KIF23: variants seen among roughly 807,000 people sequenced by gnomAD.
KIF23 encodes the protein kinesin-like protein KIF23.
A neutral mutation model predicts 137.5 loss-of-function variants in KIF23; 30 were observed. The observed-to-expected ratio is 0.22, with a 90% CI of 0.16 to 0.30. The LOEUF is 0.30. Ranked by LOEUF, KIF23 falls within the 10% of genes least tolerant of loss-of-function variation. The pLI is 1.00. For synonymous variants in KIF23, 367 were observed against 391.1 expected (o/e 0.94, Z 0.73); for missense variants, 920 against 1,194.3 (o/e 0.77, Z 3.38).
chr15:69,425,217 A>C, intron 7 of KIF23, 65 bp from the exon 8 acceptor site: 1 of 1,224,492 alleles, frequency 8.2e-7, no homozygotes, highest in African/African-American at 1.5e-5. Flanking sequence ...CATAGTCTGG[A>C]CTGAACATGT....
rs1396439427 is a variant in KIF23 at position 69,417,363 on chromosome 15, G to A, written c.82-20G>A. On this transcript the variant is annotated intron_variant, in intron 2 of 23. Coordinates refer to ENST00000679126, the MANE Select transcript of KIF23 (RefSeq NM_001367805.3). ...CAAAAGGTCGAACTTTCTTCTTAAA[G>A]CACCTTCCTATTTCTTCAGGTATAC... 4 of 1,546,202 alleles carry A rather than the reference G, an allele frequency of 2.6e-6. No homozygotes were observed. Among genetic ancestry groups the A allele is most frequent in the Non-Finnish European group, 3.5e-6 (4 of 1,147,942 alleles).
chr15:69,434,180 C>G (rs2057418191), intron 11 of KIF23, among the ~76,000 whole-genome samples: 1 of 152,236 alleles, frequency 6.6e-6, no homozygotes, highest in African/African-American at 2.4e-5. Context: ...AGATAACCCA[C>G]TGAAAAGTCT....
chr15:69,436,197 G>A lies in KIF23; in HGVS notation c.1374G>A (p.Lys458=). 6.2e-7 allele frequency: 1 copy of A among 1,613,990 alleles called. No homozygotes were observed. Among genetic ancestry groups the A allele is most frequent in the Non-Finnish European group, 8.5e-7 (1 of 1,179,966 alleles). Residue 458 remains lysine, a synonymous_variant, in exon 14 of 24, where the codon AAG becomes AAA. Transcript: ENST00000679126. ...QEVEVARPVD[K]AICGLTPGRR... ...TTGAAGTAGCAAGACCTGTAGACAA[G>A]GCAATATGTGGTTTAACGCCTGGGA...
Position 69,440,880 on chromosome 15 carries a change from C to A in KIF23, c.2222C>A (p.Ser741Ter). 1 of 1,614,104 alleles carries A rather than the reference C, an allele frequency of 6.2e-7. No individual in the cohort carries two copies. The highest frequency in any genetic ancestry group is 8.5e-7 in the Non-Finnish European group (1 of 1,180,016). Reference sequence around the variant, plus strand: ...AGCATTTCTGTAGCTTCCTGTATTTCGGAATGGGAGCAGAAAATTCCTACG... The same window carrying A: ...AGCATTTCTGTAGCTTCCTGTATTTAGGAATGGGAGCAGAAAATTCCTACG... ...CSSISVASCI[S>*]EWEQKIPTYN... Residue 741 changes from serine to a stop codon, truncating the protein, a stop_gained, in exon 19 of 24, where the codon TCG becomes TAG. Coordinates refer to ENST00000679126, the MANE Select transcript of KIF23 (RefSeq NM_001367805.3). LOFTEE classifies it high-confidence loss of function.
chr15:69,441,442 T>TGGTTCCCC (rs1216700267), intron 19 of KIF23, among the ~76,000 whole-genome samples: 1 of 152,246 alleles, frequency 6.6e-6, no homozygotes, highest in Non-Finnish European at 1.5e-5. Flanking sequence ...ATTAGATTTT[T>TGGTTCCCC]TATACCTCCT....
At chr15:69,447,056 T>C in intron 23 of KIF23, 115 bp downstream of exon 23, 1 of 1,049,316 alleles carries the variant, frequency 9.5e-7, no homozygotes, top group Non-Finnish European at 1.5e-6. Context: ...TATATGGTTT[T>C]GGTTTTCCCC....
rs1490131076 is a variant in KIF23 at position 69,417,721 on chromosome 15, A to C, written c.210+210A>C. Among the ~76,000 whole-genome samples, 5 of 152,244 alleles carry C rather than the reference A, an allele frequency of 3.3e-5. No homozygotes were observed. In the East Asian group the frequency reaches 5.8e-4, roughly 18 times the overall value. Reference sequence around the variant, plus strand: ...CTGGGGTTAGAGGATTGCTTTTAGCAGATAATTTCTTACACTGAGTATTAT... The same window carrying C: ...CTGGGGTTAGAGGATTGCTTTTAGCCGATAATTTCTTACACTGAGTATTAT... On this transcript the variant is annotated intron_variant, in intron 3 of 23. Coordinates refer to ENST00000679126, the MANE Select transcript of KIF23 (RefSeq NM_001367805.3).
intron 2 of KIF23, among the ~76,000 whole-genome samples, chr15:69,416,553 C>T (rs1285273071): frequency 1.3e-5 from 2 of 152,218 alleles, no homozygotes; most frequent in African/African-American, 2.4e-5. Flanking sequence ...TATTTTAAAT[C>T]TATCCCTCGT....
chr15:69,422,658 G>A (rs1360311754), intron 6 of KIF23, among the ~76,000 whole-genome samples: 1 of 152,210 alleles, frequency 6.6e-6, no homozygotes, highest in Non-Finnish European at 1.5e-5. Context: ...TGGATGGGGA[G>A]AGGGTATAAA....
chr15:69,429,140 G>T lies in KIF23; in HGVS notation c.1041G>T (p.Leu347Phe), dbSNP rs1482076076. The change falls in exon 11 of 24, where the codon TTG (leucine) becomes TTT (phenylalanine). Residue 347 changes from leucine (L) to phenylalanine (F), a missense_variant. Around this residue, in one of 4 missense-constraint regions of KIF23, gnomAD observed 714 missense variants for 866.2 expected, o/e 0.82. Transcript: ENST00000679126. Reference sequence around the variant, plus strand: ...AAGAACAAATCACTATAAGTCAGTTGTCCTTGGTAGATCTTGCTGGAAGTG... The same window carrying T: ...AAGAACAAATCACTATAAGTCAGTTTTCCTTGGTAGATCTTGCTGGAAGTG... Reference protein sequence around the residue: ...QEKEQITISQLSLVDLAGSER... With the variant: ...QEKEQITISQFSLVDLAGSER... 2 of 1,613,190 alleles carry T rather than the reference G, an allele frequency of 1.2e-6. No individual in the cohort carries two copies. Among genetic ancestry groups the T allele is most frequent in the Non-Finnish European group, 8.5e-7 (1 of 1,179,450 alleles).
At chr15:69,441,585 T>A (rs1324755704) in intron 19 of KIF23, among the ~76,000 whole-genome samples, 1 of 152,222 alleles carries the variant, frequency 6.6e-6, no homozygotes, top group Non-Finnish European at 1.5e-5. Flanking sequence ...TTACTTGATA[T>A]AGATATGTAA....
chr15:69,441,401 C>A (rs1157917584), intron 19 of KIF23, among the ~76,000 whole-genome samples: 1 of 152,148 alleles, frequency 6.6e-6, no homozygotes, highest in Non-Finnish European at 1.5e-5. Context: ...AGCATACTTT[C>A]CATATTTTTC....
chr15:69,424,282 G>C (rs1312293316), intron 7 of KIF23, among the ~76,000 whole-genome samples: 3 of 152,070 alleles, frequency 2.0e-5, no homozygotes, highest in Non-Finnish European at 2.9e-5. Context: ...CGTTTATTGG[G>C]AAAACAATTA....
intron 15 of KIF23, 43 bp from the exon 16 acceptor site, chr15:69,438,205 T>C: frequency 6.5e-7 from 1 of 1,543,084 alleles, no homozygotes; most frequent in Non-Finnish European, 8.7e-7. Flanking sequence ...CATTGTTTGT[T>C]TTAGAACTGG....
intron 19 of KIF23, among the ~76,000 whole-genome samples, chr15:69,442,862 TA>T (rs1157199611): frequency 6.6e-6 from 1 of 152,240 alleles, no homozygotes; most frequent in African/African-American, 2.4e-5. Flanking sequence ...TCTGTGCATC[TA>T]AGTTTGTTGG....
Position 69,429,131 on chromosome 15 carries a change from A to G in KIF23, c.1032A>G (p.Ile344Met). Residue 344 changes from isoleucine (I) to methionine (M), a missense_variant, in exon 11 of 24, where the codon ATA (isoleucine) becomes ATG (methionine). Around this residue, in one of 4 missense-constraint regions of KIF23, gnomAD observed 714 missense variants for 866.2 expected, o/e 0.82. Coordinates refer to ENST00000679126, the MANE Select transcript of KIF23 (RefSeq NM_001367805.3). Reference sequence around the variant, plus strand: ...TTTAGGAAAAAGAACAAATCACTATAAGTCAGTTGTCCTTGGTAGATCTTG... The same window carrying G: ...TTTAGGAAAAAGAACAAATCACTATGAGTCAGTTGTCCTTGGTAGATCTTG... ...NVLQEKEQIT[I>M]SQLSLVDLAG... The G allele has an allele frequency of 2.5e-6, 4 of 1,612,446 alleles. No homozygotes were observed. Among genetic ancestry groups the G allele is most frequent in the Non-Finnish European group, 3.4e-6 (4 of 1,178,860 alleles).
intron 11 of KIF23, among the ~76,000 whole-genome samples, chr15:69,430,405 A>G (rs1341649034): frequency 1.3e-5 from 2 of 152,206 alleles, no homozygotes; most frequent in African/African-American, 4.8e-5. Flanking sequence ...CAGGAATTAA[A>G]CACAAATTAA....
At chr15:69,431,149 G>A (rs1295329394) in intron 11 of KIF23, among the ~76,000 whole-genome samples, 1 of 152,226 alleles carries the variant, frequency 6.6e-6, no homozygotes, top group African/African-American at 2.4e-5. Context: ...GAATAAGGAG[G>A]TGTTTGATTG....
At chr15:69,419,922 GA>G (rs1425566405) in intron 3 of KIF23, among the ~76,000 whole-genome samples, 4 of 152,126 alleles carry the variant, frequency 2.6e-5, no homozygotes, top group Non-Finnish European at 5.9e-5. Flanking sequence ...GTTTGATGGG[GA>G]TTAAAAATAG....
Sources: gnomAD v4.1 joint callset for allele counts (sites outside exome capture counted in the v4.1 genomes callset) on GRCh38, gnomAD v4.1.1 for gene constraint, gnomAD v4.1.1 regional missense constraint, MANE v1.5 for transcripts, NCBI Gene and HGNC (gene_info 2026-07-23, HGNC 2026-07-21) for gene names.